Variants in PCBP2 observed in about 807,000 individuals in gnomAD.
PCBP2 encodes the protein poly(rC) binding protein 2.
A neutral mutation model predicts 50.1 loss-of-function variants in PCBP2; 4 were observed. That is an observed-to-expected ratio of 0.08 (90% CI 0.04 to 0.18). The LOEUF (loss-of-function observed/expected upper bound fraction) is 0.18. Ranked by LOEUF, PCBP2 falls within the 10% of genes least tolerant of loss-of-function variation. PCBP2 has a pLI of 1.00. For missense variants in PCBP2, 161 were observed against 474.3 expected, an observed-to-expected ratio of 0.34 and a Z score of 6.14; for synonymous variants, 179 against 168.0, an observed-to-expected ratio of 1.07 and a Z score of -0.51.
chr12:53,455,698 T>TC (rs1940957317), intron 4 of PCBP2, among the ~76,000 whole-genome samples, 187 bp from the exon 5 acceptor site: 1 of 152,170 alleles, frequency 6.6e-6, no homozygotes, highest in Non-Finnish European at 1.5e-5. Flanking sequence ...CAGAATTCTT[T>TC]CAAGACTTAA....
rs1344353522 is a variant in PCBP2 at position 53,461,558 on chromosome 12, G to GA, written c.504+420dup. Among the ~76,000 whole-genome samples, 4 of 152,268 alleles carry GA rather than the reference G, an allele frequency of 2.6e-5. No individual in the cohort carries two copies. In the East Asian group the frequency reaches 5.8e-4, roughly 22 times the overall value. On this transcript the variant is annotated intron_variant, in intron 7 of 14. Transcript: ENST00000546463. ...GGTATTCAAAGTGTTACATAGAGTA[G>GA]AAAAATGTATGTATGATGATGTTTC...
At chr12:53,477,878 A>G (rs1304713412) in intron 14 of PCBP2, among the ~76,000 whole-genome samples, 2 of 152,140 alleles carry the variant, frequency 1.3e-5, no homozygotes, top group Non-Finnish European at 2.9e-5. Context: ...ACATATCACA[A>G]ATATTTTATG....
At chr12:53,466,083 G>A in intron 10 of PCBP2, 110 bp downstream of exon 10, 3 of 872,308 alleles carry the variant, frequency 3.4e-6, no homozygotes, top group Non-Finnish European at 5.9e-6. Flanking sequence ...AGCATTTGCA[G>A]TATTAAGTTG....
At chr12:53,469,837 G>A (rs1055944363) in intron 13 of PCBP2, among the ~76,000 whole-genome samples, 1 of 149,826 alleles carries the variant, frequency 6.7e-6, no homozygotes, top group African/African-American at 2.5e-5. Flanking sequence ...CGTCTCCTGG[G>A]TTCAAGCAAT....
In PCBP2 at chr12:53,479,671, G is replaced by GTTTTTTTTTTTTTTGT. The variant is rs879244280; in HGVS notation, c.*241_*242insTTGTTTTTTTTTTTTT. On this transcript the variant is annotated 3_prime_UTR_variant, in exon 15 of 15. Transcript: ENST00000546463. Reference sequence around the variant, plus strand: ...ATTTAGTTTTATAAGCTTCTCCCTGGTTTTTTTTTTTTGGCTCATGAATTT... The same window carrying GTTTTTTTTTTTTTTGT: ...ATTTAGTTTTATAAGCTTCTCCCTGGTTTTTTTTTTTTTTGTTTTTTTTTTTTTGGCTCATGAATTT... The GTTTTTTTTTTTTTTGT allele has an allele frequency of 7.7e-4, 160 of 206,726 alleles. No individual in the cohort carries two copies. Among genetic ancestry groups the GTTTTTTTTTTTTTTGT allele is most frequent in the Non-Finnish European group, 1.2e-3 (133 of 108,814 alleles). The allele number at this position is 206,726 out of a possible 1,614,324, so 12.8% of individuals were successfully genotyped here.
At chr12:53,471,259 A>G (rs1942211922) in intron 13 of PCBP2, among the ~76,000 whole-genome samples, 1 of 151,798 alleles carries the variant, frequency 6.6e-6, no homozygotes, top group South Asian at 2.1e-4. Context: ...AGCCTGAGCA[A>G]CATAGCGAGA....
intron 14 of PCBP2, among the ~76,000 whole-genome samples, chr12:53,477,492 C>T (rs537531540): frequency 1.2e-4 from 18 of 151,664 alleles, no homozygotes; most frequent in African/African-American, 3.9e-4. Flanking sequence ...AGTGAAACCC[C>T]GACTCTACTA....
At chr12:53,467,886 T>G in intron 12 of PCBP2, 43 bp downstream of exon 12, 1 of 1,416,450 alleles carries the variant, frequency 7.1e-7, no homozygotes, top group Non-Finnish European at 1.0e-6. Flanking sequence ...TCTACTGTTA[T>G]ATTAATAAAC....
At chr12:53,461,179 G>T in intron 7 of PCBP2, 36 bp downstream of exon 7, 1 of 1,609,038 alleles carries the variant, frequency 6.2e-7, no homozygotes, top group Non-Finnish European at 8.5e-7. Context: ...ATGGGGGGAG[G>T]GCCATTCTGG....
chr12:53,456,814 C>T (rs1003356596), intron 5 of PCBP2, among the ~76,000 whole-genome samples: 2 of 152,106 alleles, frequency 1.3e-5, no homozygotes, highest in African/African-American at 4.8e-5. Context: ...TCAGTCCCTC[C>T]CTCTCTCCCT....
In PCBP2 at chr12:53,452,138, G is replaced by A. The variant is rs907187524; in HGVS notation, c.-314G>A. On this transcript the variant is annotated 5_prime_UTR_variant, in exon 1 of 15. Transcript: ENST00000546463. ...AGAGGCAGCAGCCGGAGCAGCCGCA[G>A]CCTGCGCCCTCTCCCGCCCGCCCGC... 22 of 146,528 alleles carry A rather than the reference G, an allele frequency of 1.5e-4. No individual in the cohort carries two copies. The highest frequency in any genetic ancestry group is 9.7e-4 in the Admixed American group (14 of 14,456). The allele number at this position is 146,528 out of a possible 1,614,324, so 9.1% of individuals were successfully genotyped here. A position where few individuals can be genotyped will look rare whatever the true frequency, so the allele number is the denominator to read the frequency against.
chr12:53,469,760 C>CTTTTTTT lies in PCBP2; in HGVS notation c.882+941_882+947dup, dbSNP rs71444805. 3.5e-5 allele frequency among the ~76,000 whole-genome samples: 4 copies of CTTTTTTT among 114,170 alleles called. 1 individual carries two copies. Among genetic ancestry groups the CTTTTTTT allele is most frequent in the Admixed American group, 9.9e-5 (1 of 10,076 alleles). The allele number at this position is 114,170 out of a possible 152,430, so 74.9% of individuals were successfully genotyped here. On this transcript the variant is annotated intron_variant, in intron 13 of 14. Coordinates refer to ENST00000546463, the MANE Select transcript of PCBP2 (RefSeq NM_031989.5). ...GAAAGAAATTCCTGTACATTTGCTG[C>CTTTTTTT]TTTTTTTTTTTTTTTTTTTGAGACG... is the stretch of plus-strand genomic sequence containing the variant.
chr12:53,480,552 C>T lies in PCBP2; in HGVS notation c.*1110C>T, dbSNP rs1418274837. ...CACAGGGGTTACAGTAGGACAGTCC[C>T]CACCCCAATCAGGCACCAGGATAAA... is the stretch of plus-strand genomic sequence containing the variant. On this transcript the variant is annotated 3_prime_UTR_variant, in exon 15 of 15. Transcript: ENST00000546463. The T allele has an allele frequency of 6.6e-6, 1 of 152,606 alleles. No homozygotes were observed. Among genetic ancestry groups the T allele is most frequent in the Non-Finnish European group, 1.5e-5 (1 of 68,066 alleles). 9.5% of individuals were successfully genotyped at this position (152,606 alleles called of 1,614,324 possible).
chr12:53,474,888 T>G, intron 14 of PCBP2: 1 of 435,156 alleles, frequency 2.3e-6, no homozygotes, highest in Non-Finnish European at 4.7e-6. Flanking sequence ...CGCTAAACCC[T>G]CCTCCCAGGC....
chr12:53,454,701 G>T, intron 1 of PCBP2, 25 bp from the exon 2 acceptor site: 1 of 801,790 alleles, frequency 1.2e-6, no homozygotes, highest in South Asian at 1.4e-5. Context: ...TTCCTCCTCT[G>T]ATTTTGGTCA....
At chr12:53,457,910 A>G (rs1257930792) in intron 5 of PCBP2, among the ~76,000 whole-genome samples, 3 of 152,126 alleles carry the variant, frequency 2.0e-5, no homozygotes, top group Non-Finnish European at 4.4e-5. Context: ...GAATCAATAC[A>G]GTCAAATCTA....
intron 1 of PCBP2, among the ~76,000 whole-genome samples, chr12:53,453,910 A>C (rs1940779872): frequency 6.6e-6 from 1 of 152,006 alleles, no homozygotes; most frequent in Admixed American, 6.5e-5. Flanking sequence ...TCTTAAAAAC[A>C]AAAAATTTTA....
chr12:53,455,440 T>G (rs1160429159), intron 3 of PCBP2, 21 bp from the exon 4 acceptor site: 1 of 1,614,122 alleles, frequency 6.2e-7, no homozygotes, highest in Non-Finnish European at 8.5e-7. Context: ...TTGGAGCTCA[T>G]GCTTGACTTT....
chr12:53,478,346 G>A (rs1239816230), intron 14 of PCBP2, among the ~76,000 whole-genome samples: 4 of 151,786 alleles, frequency 2.6e-5, no homozygotes, highest in African/African-American at 9.7e-5. Flanking sequence ...TGTCTCTACT[G>A]AAAATACAAA....
Sources: gnomAD v4.1 joint callset for allele counts (sites outside exome capture counted in the v4.1 genomes callset) on GRCh38, gnomAD v4.1.1 for gene constraint, MANE v1.5 for transcripts, NCBI Gene and HGNC (gene_info 2026-07-23, HGNC 2026-07-21) for gene names.